The following AFF3 variants were observed in gnomAD, a reference collection of about 807,000 sequenced individuals.
AFF3 encodes the protein AF4/FMR2 family member 3.
AFF3 carries 32 observed loss-of-function variants against 129.7 expected under a neutral mutation model. That is an observed-to-expected ratio of 0.25 (90% CI 0.19 to 0.33). The LOEUF (loss-of-function observed/expected upper bound fraction) is 0.33. Ranked by LOEUF, AFF3 falls within the 10% of genes least tolerant of loss-of-function variation. The pLI is 1.00. For synonymous variants in AFF3, 644 were observed against 635.4 expected (o/e 1.01, Z -0.20); for missense variants, 1,373 against 1,592.0 (o/e 0.86, Z 2.34).
At chr2:99,939,224 C>T (rs1221371979) in intron 7 of AFF3, among the ~76,000 whole-genome samples, 2 of 152,246 alleles carry the variant, frequency 1.3e-5, no homozygotes, top group Admixed American at 1.3e-4. Flanking sequence ...CCTGGAAGGA[C>T]TATCCTGTTT....
rs536819236 is a variant in AFF3, at chr2:100,046,377, C to T, written c.54-37445G>A. On this transcript the variant is annotated intron_variant, in intron 4 of 24. Coordinates refer to ENST00000672756, the MANE Select transcript of AFF3 (RefSeq NM_001386135.1). The stretch of plus-strand genomic sequence containing the variant: ...TCCATGTTCTTAAACCATTAATCTA[C>T]GATGCCTCTCAAGTAAATAGTCAAT... Among the ~76,000 whole-genome samples the T allele has an allele frequency of 2.6e-5, 4 of 152,206 alleles. No individual in the cohort carries two copies. The East Asian group carries it at 7.8e-4, about 30-fold the overall frequency.
At chr2:99,765,623 A>G (rs1682947568) in intron 8 of AFF3, among the ~76,000 whole-genome samples, 1 of 152,248 alleles carries the variant, frequency 6.6e-6, no homozygotes, top group African/African-American at 2.4e-5. Context: ...CTAGCGTAAT[A>G]GCTGGCACAT....
chr2:99,826,915 T>A (rs945627053), intron 8 of AFF3, among the ~76,000 whole-genome samples: 1 of 151,450 alleles, frequency 6.6e-6, no homozygotes, highest in African/African-American at 2.4e-5. Flanking sequence ...GGATGGTGGA[T>A]GAACAAGGAG....
intron 12 of AFF3, among the ~76,000 whole-genome samples, chr2:99,666,196 T>C (rs1686654718): frequency 6.6e-6 from 1 of 152,184 alleles, no homozygotes; most frequent in Non-Finnish European, 1.5e-5. Flanking sequence ...GAAATAAAGA[T>C]GAATAAGATA....
At chr2:99,815,132 A>T (rs1687119955) in intron 8 of AFF3, among the ~76,000 whole-genome samples, 1 of 55,080 alleles carries the variant, frequency 1.8e-5, no homozygotes, top group African/African-American at 1.0e-4. Flanking sequence ...GGGGCAGGGG[A>T]GGAAGTAGCC....
chr2:99,862,504 A>C (rs1691068745), intron 7 of AFF3, among the ~76,000 whole-genome samples: 1 of 152,174 alleles, frequency 6.6e-6, no homozygotes, highest in African/African-American at 2.4e-5. Context: ...TCACAGCCTT[A>C]TCTAATTTTT....
chr2:99,760,192 T>C (rs532949903), intron 8 of AFF3, among the ~76,000 whole-genome samples: 3 of 152,196 alleles, frequency 2.0e-5, no homozygotes, highest in Non-Finnish European at 2.9e-5. Context: ...GAGTCTGAGA[T>C]GAGAGAATAT....
At chr2:99,557,372 C>T (rs1025471741) in intron 22 of AFF3, among the ~76,000 whole-genome samples, 3 of 151,424 alleles carry the variant, frequency 2.0e-5, no homozygotes, top group Non-Finnish European at 4.4e-5. Flanking sequence ...CTCTGCCTCC[C>T]GGGTTCAAAC....
chr2:99,595,364 G>GT (rs1679181230), intron 14 of AFF3, among the ~76,000 whole-genome samples: 1 of 152,252 alleles, frequency 6.6e-6, no homozygotes, highest in Non-Finnish European at 1.5e-5. Flanking sequence ...AAGGTGATGT[G>GT]TTTTTTCTTC....
intron 20 of AFF3, among the ~76,000 whole-genome samples, chr2:99,563,347 C>T (rs1376209537): frequency 4.0e-5 from 6 of 151,684 alleles, no homozygotes; most frequent in African/African-American, 1.2e-4. Flanking sequence ...CCGGCCACCA[C>T]GCCCGGCTAA....
At chr2:99,868,704 T>C (rs925467538) in intron 7 of AFF3, among the ~76,000 whole-genome samples, 3 of 152,314 alleles carry the variant, frequency 2.0e-5, no homozygotes, top group Admixed American at 2.0e-4. Context: ...ATAAGGTTAC[T>C]ATTCTCTGGG....
At chr2:99,919,123 T>C (rs1695683758) in intron 7 of AFF3, among the ~76,000 whole-genome samples, 1 of 152,134 alleles carries the variant, frequency 6.6e-6, no homozygotes, top group South Asian at 2.1e-4. Flanking sequence ...CAGAATCATC[T>C]CCCTCCACTG....
chr2:99,557,502 T>C (rs569039000), intron 22 of AFF3, among the ~76,000 whole-genome samples: 46 of 152,352 alleles, frequency 3.0e-4, no homozygotes, highest in African/African-American at 1.0e-3. Context: ...AGAACTTGTA[T>C]CCCTTAAAAG....
intron 13 of AFF3, among the ~76,000 whole-genome samples, chr2:99,613,705 C>T (rs964187794): frequency 6.6e-6 from 1 of 152,172 alleles, no homozygotes; most frequent in Non-Finnish European, 1.5e-5. Context: ...AATACTTTTA[C>T]AAACTTCTTG....
At chr2:99,584,257 C>T (rs146796945) in intron 16 of AFF3, among the ~76,000 whole-genome samples, 4,187 of 151,358 alleles carry the variant, frequency 0.028, 201 homozygotes, top group African/African-American at 0.095. Context: ...CACTTGAGGT[C>T]GGGAGTTCGA....
chr2:99,821,198 G>T (rs80130654), intron 8 of AFF3, among the ~76,000 whole-genome samples: 2,890 of 152,242 alleles, frequency 0.019, 79 homozygotes, highest in African/African-American at 0.064. Flanking sequence ...CCCACTGGAA[G>T]GTCTTCAAGG....
chr2:99,714,916 T>C (rs1430954072), intron 11 of AFF3, among the ~76,000 whole-genome samples: 1 of 152,214 alleles, frequency 6.6e-6, no homozygotes, highest in Non-Finnish European at 1.5e-5. Context: ...ACTTTGCATG[T>C]TTCTATATGA....
intron 13 of AFF3, among the ~76,000 whole-genome samples, chr2:99,623,591 G>C (rs1343751575): frequency 3.3e-5 from 5 of 152,234 alleles, no homozygotes; most frequent in Non-Finnish European, 4.4e-5. Flanking sequence ...CGACACGGGA[G>C]AGAAGACAAT....
At chr2:100,005,191 A>C (rs1681851313) in intron 7 of AFF3, among the ~76,000 whole-genome samples, 1 of 152,224 alleles carries the variant, frequency 6.6e-6, no homozygotes, top group Admixed American at 6.5e-5. Context: ...AAAGCCTCAT[A>C]AAAACTGCAC....
Sources: gnomAD v4.1 joint callset for allele counts (sites outside exome capture counted in the v4.1 genomes callset) on GRCh38, gnomAD v4.1.1 for gene constraint, MANE v1.5 for transcripts, NCBI Gene and HGNC (gene_info 2026-07-23, HGNC 2026-07-21) for gene names.